TMTC1: variants seen among roughly 807,000 people sequenced by gnomAD.
TMTC1 encodes the protein protein O-mannosyl-transferase TMTC1.
A neutral mutation model predicts 104.8 loss-of-function variants in TMTC1; 73 were observed. The observed-to-expected ratio is 0.70, with a 90% confidence interval of 0.58 to 0.85. The LOEUF (loss-of-function observed/expected upper bound fraction) is 0.85. TMTC1 is among the 40% of genes least tolerant of loss of function. The probability of loss-of-function intolerance (pLI) is 0.00; values close to 1 mark genes in which losing one functional copy is unlikely to be tolerated. For synonymous variants in TMTC1, 434 were observed against 428.7 expected (o/e 1.01, Z -0.15); for missense variants, 1,035 against 1,096.1 (o/e 0.94, Z 0.79).
intron 8 of TMTC1, among the ~76,000 whole-genome samples, chr12:29,576,715 G>T (rs971800766): frequency 6.6e-6 from 1 of 152,082 alleles, no homozygotes; most frequent in Non-Finnish European, 1.5e-5. Flanking sequence ...TCTACAAAAA[G>T]AGGGCTATAG....
At chr12:29,530,255 A>G (rs1189580327) in intron 11 of TMTC1, among the ~76,000 whole-genome samples, 1 of 152,162 alleles carries the variant, frequency 6.6e-6, no homozygotes, top group Non-Finnish European at 1.5e-5. Context: ...TCACTCAATC[A>G]TTATACCCAC....
In TMTC1 at chr12:29,633,254, C is replaced by T. The variant is rs368561791; in HGVS notation, c.1021G>A (p.Gly341Ser). 1.4e-5 allele frequency: 22 copies of T among 1,613,768 alleles called. No individual in the cohort carries two copies. Among genetic ancestry groups the T allele is most frequent in the African/African-American group, 4.0e-5 (3 of 74,850 alleles). The change falls in exon 6 of 18, where the codon GGC (glycine) becomes AGC (serine). Residue 341 changes from glycine (G) to serine (S), a missense_variant. Coordinates refer to ENST00000539277, the MANE Select transcript of TMTC1 (RefSeq NM_001193451.2). ...ATGGTCTCTACCAGAGGAATACTGC[C>T]GACCTGCCAGTCATAGCACAGGGTC... ...PVTLCYDWQV[G>S]SIPLVETIWD...
intron 2 of TMTC1, among the ~76,000 whole-genome samples, chr12:29,762,373 C>G (rs1331988135): frequency 6.6e-6 from 1 of 152,130 alleles, no homozygotes; most frequent in African/African-American, 2.4e-5. Flanking sequence ...TCTTTCTCCC[C>G]CTTTCTTTTT....
At chr12:29,612,653 G>C (rs912486394) in intron 6 of TMTC1, among the ~76,000 whole-genome samples, 8 of 152,102 alleles carry the variant, frequency 5.3e-5, no homozygotes, top group Admixed American at 1.3e-4. Flanking sequence ...GAACTCAAGT[G>C]ATCTGCCTGC....
chr12:29,712,449 A>G (rs116559556), intron 5 of TMTC1, among the ~76,000 whole-genome samples: 324 of 152,346 alleles, frequency 2.1e-3, no homozygotes, highest in African/African-American at 7.5e-3. Flanking sequence ...AAGAATTTGT[A>G]AGTGTATGAT....
chr12:29,739,004 A>T lies in TMTC1; in HGVS notation c.938+12662T>A, dbSNP rs529644623. Among the ~76,000 whole-genome samples the T allele has an allele frequency of 1.1e-3, 173 of 152,382 alleles. 1 individual carries two copies. Among genetic ancestry groups the T allele is most frequent in the African/African-American group, 3.8e-3 (157 of 41,598 alleles). ...GGGATTCAATTATGATAAAAATCTC[A>T]GAAATATCATTTTATCATTCTCAAA... On this transcript the variant is annotated intron_variant, in intron 5 of 17. Transcript: ENST00000539277.
At chr12:29,705,227 G>A (rs1358298199) in intron 5 of TMTC1, among the ~76,000 whole-genome samples, 1 of 152,154 alleles carries the variant, frequency 6.6e-6, no homozygotes, top group Admixed American at 6.5e-5. Context: ...CAAATCCCGG[G>A]TGCACAGGTG....
At chr12:29,776,231 T>C (rs563708778) in intron 1 of TMTC1, among the ~76,000 whole-genome samples, 1 of 152,328 alleles carries the variant, frequency 6.6e-6, no homozygotes, top group South Asian at 2.1e-4. Flanking sequence ...TGCTGCAACC[T>C]GCCACCTAAG....
intron 5 of TMTC1, among the ~76,000 whole-genome samples, chr12:29,650,997 A>G (rs1051779462): frequency 2.0e-5 from 3 of 152,214 alleles, no homozygotes; most frequent in Non-Finnish European, 2.9e-5. Flanking sequence ...ACACAAAACT[A>G]TGTATTCATC....
chr12:29,640,326 G>C (rs1211483950), intron 5 of TMTC1, among the ~76,000 whole-genome samples: 1 of 146,508 alleles, frequency 6.8e-6, no homozygotes, highest in East Asian at 2.2e-4. Flanking sequence ...TGCAGCTGTG[G>C]ACAGAGCAGC....
rs1944050614 is a variant in TMTC1, at chr12:29,518,375, G to C, written c.2024+97C>G. On this transcript the variant is annotated intron_variant, in intron 13 of 17. Transcript: ENST00000539277. ...TCACCTGAATTGGCAAAATTTGCTAGTATTCTGAGAGCACACCTATTCTGA... is the reference window on the plus strand; with the variant it reads ...TCACCTGAATTGGCAAAATTTGCTACTATTCTGAGAGCACACCTATTCTGA... 12 of 1,407,700 alleles carry C rather than the reference G, an allele frequency of 8.5e-6. No individual in the cohort carries two copies. In the South Asian group the frequency reaches 1.9e-4, roughly 23 times the overall value. 87.2% of individuals were successfully genotyped at this position (1,407,700 alleles called of 1,614,324 possible). A position where few individuals can be genotyped will look rare whatever the true frequency, so the allele number is the denominator to read the frequency against.
chr12:29,673,392 C>T (rs1591905307), intron 5 of TMTC1, among the ~76,000 whole-genome samples: 1 of 152,234 alleles, frequency 6.6e-6, no homozygotes, highest in South Asian at 2.1e-4. Flanking sequence ...AAACGCTTTT[C>T]AATATTGTGA....
chr12:29,625,619 A>G (rs774806849), intron 6 of TMTC1, among the ~76,000 whole-genome samples: 22 of 152,248 alleles, frequency 1.4e-4, no homozygotes, highest in Admixed American at 7.8e-4. Flanking sequence ...CATTAAAGTG[A>G]TTTTGAAACA....
At chr12:29,648,412 CT>C (rs1164500305) in intron 5 of TMTC1, among the ~76,000 whole-genome samples, 1 of 152,048 alleles carries the variant, frequency 6.6e-6, no homozygotes, top group Non-Finnish European at 1.5e-5. Context: ...CTTTTCTTTT[CT>C]TTTCTTTTTT....
At chr12:29,564,349 A>G (rs1796528962) in intron 9 of TMTC1, among the ~76,000 whole-genome samples, 2 of 152,164 alleles carry the variant, frequency 1.3e-5, no homozygotes, top group South Asian at 4.1e-4. Context: ...ACCCCTTAAA[A>G]AGCAAAGATT....
At chr12:29,716,972 G>A (rs1942102008) in intron 5 of TMTC1, among the ~76,000 whole-genome samples, 1 of 152,178 alleles carries the variant, frequency 6.6e-6, no homozygotes, top group African/African-American at 2.4e-5. Flanking sequence ...CCGAGATCGA[G>A]CCACTGCACT....
chr12:29,529,430 T>C (rs1944437575), intron 11 of TMTC1, among the ~76,000 whole-genome samples: 1 of 152,230 alleles, frequency 6.6e-6, no homozygotes, highest in Non-Finnish European at 1.5e-5. Context: ...TTCACTCTAA[T>C]CAATAATTTA....
At chr12:29,646,658 G>A (rs1939280862) in intron 5 of TMTC1, among the ~76,000 whole-genome samples, 2 of 151,996 alleles carry the variant, frequency 1.3e-5, no homozygotes, top group South Asian at 4.1e-4. Context: ...ACGTAGTTTC[G>A]TTCTGGTTTG....
At chr12:29,736,458 C>T (rs573105662) in intron 5 of TMTC1, among the ~76,000 whole-genome samples, 16 of 151,990 alleles carry the variant, frequency 1.1e-4, no homozygotes, top group East Asian at 1.9e-4. Context: ...CTTATTTGGT[C>T]GCCCAGGCTG....
Sources: allele counts gnomAD v4.1 joint callset (sites outside exome capture counted in the v4.1 genomes callset), GRCh38; gene constraint gnomAD v4.1.1; transcripts MANE v1.5; gene names NCBI Gene and HGNC (gene_info 2026-07-23, HGNC 2026-07-21).